GRIN2A: variants seen among roughly 807,000 people sequenced by gnomAD.
GRIN2A encodes the protein glutamate receptor ionotropic, NMDA 2A.
Under a neutral mutation model 113.4 loss-of-function variants are expected in GRIN2A, and 22 were observed. The observed-to-expected ratio is 0.19, with a 90% CI of 0.14 to 0.28. GRIN2A has a LOEUF of 0.28. Ranked by LOEUF, GRIN2A falls within the 10% of genes least tolerant of loss-of-function variation. The pLI, the probability that GRIN2A is intolerant of heterozygous loss-of-function variation, is 1.00. For missense variants in GRIN2A, 1,502 were observed against 1,887.0 expected, an observed-to-expected ratio of 0.80 and a Z score of 3.78; for synonymous variants, 827 against 738.4, an observed-to-expected ratio of 1.12 and a Z score of -1.94.
intron 2 of GRIN2A, among the ~76,000 whole-genome samples, chr16:10,034,949 C>T (rs1385300389): frequency 1.3e-5 from 2 of 152,168 alleles, no homozygotes; most frequent in Admixed American, 6.5e-5. Flanking sequence ...AACTCTTCAG[C>T]GGCCCCCATT....
chr16:9,969,178 T>C (rs372875653), intron 2 of GRIN2A, among the ~76,000 whole-genome samples: 1 of 152,156 alleles, frequency 6.6e-6, no homozygotes, highest in Non-Finnish European at 1.5e-5. Context: ...CAGGTTTCTG[T>C]GGTCAAGGTG....
intron 2 of GRIN2A, among the ~76,000 whole-genome samples, chr16:10,096,878 G>A (rs1028557901): frequency 6.6e-6 from 1 of 152,092 alleles, no homozygotes; most frequent in Non-Finnish European, 1.5e-5. Context: ...CTCTGAGCCT[G>A]CCCAGGAGAC....
intron 2 of GRIN2A, chr16:10,179,774 C>A: frequency 1.7e-6 from 1 of 587,704 alleles, no homozygotes; most frequent in South Asian, 2.0e-5. Flanking sequence ...CACCAAAGTG[C>A]TCCTGTGTAC....
At chr16:10,122,179 GATA>G (rs2048849070) in intron 2 of GRIN2A, among the ~76,000 whole-genome samples, 3 of 152,148 alleles carry the variant, frequency 2.0e-5, no homozygotes, top group Admixed American at 6.6e-5. Flanking sequence ...AAAGTCCCCT[GATA>G]ATATTTGGCC....
intron 7 of GRIN2A, among the ~76,000 whole-genome samples, chr16:9,838,305 C>G (rs2042616314): frequency 6.6e-6 from 1 of 151,970 alleles, no homozygotes; most frequent in African/African-American, 2.4e-5. Context: ...GGTATCTACC[C>G]AAAGGAAAAG....
chr16:10,116,502 G>A (rs2048730881), intron 2 of GRIN2A, among the ~76,000 whole-genome samples: 1 of 152,104 alleles, frequency 6.6e-6, no homozygotes, highest in Non-Finnish European at 1.5e-5. Context: ...ATAGAACCAT[G>A]GAAGCTTAAG....
intron 2 of GRIN2A, among the ~76,000 whole-genome samples, chr16:10,129,359 G>A (rs2049014794): frequency 1.0e-5 from 1 of 96,012 alleles, no homozygotes. Flanking sequence ...TGCTTTAATG[G>A]GAGGAGTTTG....
intron 2 of GRIN2A, among the ~76,000 whole-genome samples, chr16:10,169,942 A>C (rs1449990461): frequency 6.6e-6 from 1 of 152,158 alleles, no homozygotes; most frequent in African/African-American, 2.4e-5. Flanking sequence ...GGATCTGCTG[A>C]GCTTCTGGTC....
chr16:10,087,411 C>T lies in GRIN2A; in HGVS notation c.414+92587G>A, dbSNP rs376762681. On this transcript the variant is annotated intron_variant, in intron 2 of 12. Coordinates refer to ENST00000330684, the MANE Select transcript of GRIN2A (RefSeq NM_001134407.3). Reference sequence around the variant, plus strand: ...CACTTCCAGGAGAATCTTTAAGATCCATCTCTTCATCTACATCCTTCTCTT... The same window carrying T: ...CACTTCCAGGAGAATCTTTAAGATCTATCTCTTCATCTACATCCTTCTCTT... Among the ~76,000 whole-genome samples the T allele has an allele frequency of 1.2e-4, 19 of 152,300 alleles. No homozygotes were observed. The East Asian group carries it at 3.3e-3, about 26-fold the overall frequency.
At chr16:10,071,572 G>T (rs2047750986) in intron 2 of GRIN2A, among the ~76,000 whole-genome samples, 1 of 152,216 alleles carries the variant, frequency 6.6e-6, no homozygotes, top group African/African-American at 2.4e-5. Flanking sequence ...AACAAAAGCT[G>T]TGCCTATAGA....
intron 4 of GRIN2A, among the ~76,000 whole-genome samples, chr16:9,874,463 G>A (rs1487893569): frequency 1.3e-5 from 2 of 152,216 alleles, no homozygotes; most frequent in South Asian, 2.1e-4. Context: ...TGGTTCAGCA[G>A]GGAATCTTGT....
chr16:10,127,258 A>T (rs1269375503), intron 2 of GRIN2A, among the ~76,000 whole-genome samples: 1 of 151,834 alleles, frequency 6.6e-6, no homozygotes, highest in African/African-American at 2.4e-5. Context: ...GCCTTGGTAC[A>T]AGATGGGAAA....
intron 2 of GRIN2A, among the ~76,000 whole-genome samples, chr16:10,048,490 G>A (rs533107100): frequency 9.2e-5 from 14 of 152,338 alleles, no homozygotes; most frequent in Admixed American, 9.1e-4. Flanking sequence ...GACTTTGTTA[G>A]TGAAGACATA....
At chr16:10,142,517 AC>A (rs1180867326) in intron 2 of GRIN2A, among the ~76,000 whole-genome samples, 3 of 152,032 alleles carry the variant, frequency 2.0e-5, no homozygotes, top group African/African-American at 7.2e-5. Context: ...ACACAGCAAG[AC>A]CCTGTCTCTA....
intron 4 of GRIN2A, among the ~76,000 whole-genome samples, chr16:9,857,168 T>C (rs967010515): frequency 1.3e-5 from 2 of 152,146 alleles, no homozygotes; most frequent in Admixed American, 6.5e-5. Flanking sequence ...TCTAAGAAAG[T>C]GTCCTAGTCA....
intron 3 of GRIN2A, among the ~76,000 whole-genome samples, chr16:9,913,258 G>A (rs1038741062): frequency 2.6e-5 from 4 of 152,202 alleles, no homozygotes; most frequent in Admixed American, 1.3e-4. Context: ...CACTCCTTAT[G>A]AGTCTCCTCT....
chr16:10,180,253 T>A lies in GRIN2A; in HGVS notation c.159A>T (p.Thr53=). ...SHDVTERELR[T]LWGPEQAAGL... Reference sequence around the variant, plus strand: ...CCGCCGCCTGCTCGGGGCCCCACAGTGTTCGAAGTTCGCGCTCTGTCACGT... The same window carrying A: ...CCGCCGCCTGCTCGGGGCCCCACAGAGTTCGAAGTTCGCGCTCTGTCACGT... Residue 53 remains threonine, a synonymous_variant, in exon 2 of 13, where the codon ACA becomes ACT. Coordinates refer to ENST00000330684, the MANE Select transcript of GRIN2A (RefSeq NM_001134407.3). The surrounding 1 kb of genome is among the most constrained non-coding windows in gnomAD (Gnocchi z 7.0). 6.2e-7 allele frequency: 1 copy of A among 1,613,886 alleles called. No homozygotes were observed. The highest frequency in any genetic ancestry group is 8.5e-7 in the Non-Finnish European group (1 of 1,180,000).
At chr16:10,039,808 G>GA (rs373952509) in intron 2 of GRIN2A, among the ~76,000 whole-genome samples, 111 of 63,770 alleles carry the variant, frequency 1.7e-3, no homozygotes, top group East Asian at 0.011. Flanking sequence ...GGGAGGGGGG[G>GA]GAGAAAGAGA....
chr16:9,894,364 G>C (rs1343563682), intron 3 of GRIN2A, among the ~76,000 whole-genome samples: 1 of 152,118 alleles, frequency 6.6e-6, no homozygotes, highest in East Asian at 1.9e-4. Context: ...AGCCAATAGG[G>C]GCAGAAGTGA....
Sources: gnomAD v4.1 joint callset for allele counts (sites outside exome capture counted in the v4.1 genomes callset) on GRCh38, gnomAD v4.1.1 for gene constraint, Gnocchi (gnomAD v3.1) non-coding constraint, MANE v1.5 for transcripts, NCBI Gene and HGNC (gene_info 2026-07-23, HGNC 2026-07-21) for gene names.